Variants in TAF11L13 observed in about 807,000 individuals in gnomAD.
The protein encoded by TAF11L13 is TATA-box-binding protein-associated factor 11-like protein 13.
At chr5:17,632,355 G>C (rs889241763) in exon 1 of TAF11L13, 6 of 398,202 alleles carry the variant, frequency 1.5e-5, no homozygotes, top group African/African-American at 1.2e-4. Flanking sequence ...GGATGCAGAG[G>C]AGGCTCAGAG....
chr5:17,632,592 C>G, exon 1 of TAF11L13: 1 of 398,434 alleles, frequency 2.5e-6, no homozygotes, highest in Non-Finnish European at 4.4e-6. Context: ...AGAGACGCCC[C>G]CGCTGCAGCC....
exon 1 of TAF11L13, chr5:17,632,587 C>T (rs568945747): frequency 2.5e-5 from 10 of 398,426 alleles, no homozygotes; most frequent in East Asian, 3.6e-5. Context: ...TGGGGAGAGA[C>T]GCCCCCGCTG....
In TAF11L13 at chr5:17,632,095, C is replaced by T. The variant is rs1419362331; in HGVS notation, c.8C>T (p.Thr3Ile). 1.0e-5 allele frequency: 4 copies of T among 396,668 alleles called. No individual in the cohort carries two copies. In the East Asian group the frequency reaches 1.4e-4, roughly 14 times the overall value. 24.6% of individuals were successfully genotyped at this position (396,668 alleles called of 1,614,324 possible). A position where few individuals can be genotyped will look rare whatever the true frequency, so the allele number is the denominator to read the frequency against. ...CAGACTTGAATCTCACCCATGGAGA[C>T]CGGCAGGCAAACAGGCGTGTCTGCT... is the stretch of plus-strand genomic sequence containing the variant. Residue 3 changes from threonine to isoleucine, a missense_variant, in exon 1 of 1, where the codon ACC (threonine) becomes ATC (isoleucine). Physicochemically the swap from Thr to Ile is moderately conservative, Grantham distance 89. Coordinates refer to ENST00000639073, the Ensembl canonical transcript of TAF11L13.
At chr5:17,632,187 G>C in exon 1 of TAF11L13, 1 of 397,966 alleles carries the variant, frequency 2.5e-6, no homozygotes, top group Non-Finnish European at 4.4e-6. Context: ...GGACCTAGAT[G>C]GGAACTTGGA....
exon 1 of TAF11L13, chr5:17,632,606 G>A (rs1739716436): frequency 5.0e-6 from 2 of 398,370 alleles, no homozygotes; most frequent in Admixed American, 4.4e-5. Context: ...TGCAGCCCAA[G>A]CATTTAAGGG....
At chr5:17,632,129 C>T (rs1228734721) in exon 1 of TAF11L13, 3 of 397,208 alleles carry the variant, frequency 7.6e-6, no homozygotes. Flanking sequence ...CTGAGATGCT[C>T]GCCATGCCCC....
rs1189529623 is a variant in TAF11L13, at chr5:17,632,209, A to T, written c.122A>T (p.Asp41Val). ...GATGGGAACTTGGAAGAACCCAGGG[A>T]TCAGGAAGGTGAGCTCAGGAGTGAG... The change falls in exon 1 of 1, where the codon GAT becomes GTT. Residue 41 changes from aspartate (D) to valine (V), a missense_variant. By Grantham distance (152) the Asp-to-Val change is radical. Coordinates refer to ENST00000639073, the Ensembl canonical transcript of TAF11L13. 3 of 398,038 alleles carry T rather than the reference A, an allele frequency of 7.5e-6. 1 individual carries two copies. The highest frequency in any genetic ancestry group is 1.3e-5 in the Non-Finnish European group (3 of 225,720). The allele number at this position is 398,038 out of a possible 1,614,324, so 24.7% of individuals were successfully genotyped here.
exon 1 of TAF11L13, chr5:17,632,209 A>C (rs1189529623): frequency 1.3e-5 from 5 of 398,038 alleles, no homozygotes; most frequent in Non-Finnish European, 2.2e-5. Context: ...GAACCCAGGG[A>C]TCAGGAAGGT....
At chr5:17,632,494 A>T in exon 1 of TAF11L13, 1 of 398,524 alleles carries the variant, frequency 2.5e-6, no homozygotes, top group Non-Finnish European at 4.4e-6. Context: ...TCGGTGTCTG[A>T]GAACGCGGCC....
exon 1 of TAF11L13, chr5:17,632,432 A>G: frequency 2.5e-6 from 1 of 398,550 alleles, no homozygotes; most frequent in Non-Finnish European, 4.4e-6. Flanking sequence ...GTCGCCGGTC[A>G]GCTTTCCCAA....
chr5:17,632,118 G>C, exon 1 of TAF11L13: 1 of 397,236 alleles, frequency 2.5e-6, no homozygotes, highest in Non-Finnish European at 4.4e-6. Context: ...AGGCGTGTCT[G>C]CTGAGATGCT....
At chr5:17,632,129 C>G (rs1228734721) in exon 1 of TAF11L13, 1 of 397,208 alleles carries the variant, frequency 2.5e-6, no homozygotes, top group Admixed American at 4.4e-5. Flanking sequence ...CTGAGATGCT[C>G]GCCATGCCCC....
At chr5:17,632,117 T>C in exon 1 of TAF11L13, 1 of 397,196 alleles carries the variant, frequency 2.5e-6, no homozygotes, top group Non-Finnish European at 4.4e-6. Context: ...CAGGCGTGTC[T>C]GCTGAGATGC....
Position 17,632,197 on chromosome 5 carries a change from A to G in TAF11L13, c.110A>G (p.Glu37Gly), listed in dbSNP as rs1301017041. 5 of 398,026 alleles carry G rather than the reference A, an allele frequency of 1.3e-5. No individual in the cohort carries two copies. The Admixed American group carries it at 2.2e-4, about 18-fold the overall frequency. The allele number at this position is 398,026 out of a possible 1,614,324, so 24.7% of individuals were successfully genotyped here. ...CCTGAGGACCTAGATGGGAACTTGG[A>G]AGAACCCAGGGATCAGGAAGGTGAG... The change falls in exon 1 of 1, where the codon GAA (glutamate) becomes GGA (glycine). Residue 37 changes from glutamate to glycine, a missense_variant. Physicochemically the swap from Glu to Gly is moderately conservative, Grantham distance 98 (BLOSUM62 -2). Coordinates refer to ENST00000639073, the Ensembl canonical transcript of TAF11L13.
At chr5:17,632,268 G>A (rs1255864720) in exon 1 of TAF11L13, 2 of 397,730 alleles carry the variant, frequency 5.0e-6, no homozygotes, top group Non-Finnish European at 8.9e-6. Context: ...TGACAGTGAG[G>A]CCTCAGCCTC....
chr5:17,632,088 A>G (rs1739703009), exon 1 of TAF11L13: 2 of 396,346 alleles, frequency 5.0e-6, no homozygotes, highest in Non-Finnish European at 4.4e-6. Context: ...AATCTCACCC[A>G]TGGAGACCGG....
exon 1 of TAF11L13, chr5:17,632,424 C>A (rs1428424660): frequency 4.0e-5 from 16 of 398,324 alleles, no homozygotes; most frequent in Non-Finnish European, 5.8e-5. Flanking sequence ...CGAAGTGTGT[C>A]GCCGGTCAGC....
chr5:17,632,557 C>G (rs970025720), exon 1 of TAF11L13: 2 of 398,458 alleles, frequency 5.0e-6, no homozygotes, highest in Non-Finnish European at 8.9e-6. Flanking sequence ...GTGGAAGAGG[C>G]CCTGGACATG....
At chr5:17,632,672 A>G (rs770485554) in exon 1 of TAF11L13, 42 of 398,416 alleles carry the variant, frequency 1.1e-4, no homozygotes, top group Admixed American at 3.1e-4. Context: ...ACTACAAAAG[A>G]GTCATGTTCT....
Sources: allele counts gnomAD v4.1 joint callset, GRCh38; gene constraint gnomAD v4.1.1; transcripts MANE v1.5; gene names NCBI Gene and HGNC (gene_info 2026-07-23, HGNC 2026-07-21).